Variants in CNTN1 observed in about 807,000 individuals in gnomAD.
CNTN1 encodes the protein contactin-1.
Under a neutral mutation model 126.4 loss-of-function variants are expected in CNTN1, and 38 were observed. That is an observed-to-expected ratio of 0.30 (90% confidence interval 0.23 to 0.39). CNTN1 has a LOEUF of 0.39. CNTN1 is among the 10% of genes least tolerant of loss of function. The pLI, the probability that CNTN1 is intolerant of heterozygous loss-of-function variation, is 1.00. For synonymous variants in CNTN1, 413 were observed against 422.6 expected (o/e 0.98, Z 0.28); for missense variants, 1,009 against 1,248.4 (o/e 0.81, Z 2.89).
At chr12:40,977,498 G>A (rs1947708636) in intron 15 of CNTN1, among the ~76,000 whole-genome samples, 1 of 152,100 alleles carries the variant, frequency 6.6e-6, no homozygotes, top group South Asian at 2.1e-4. Flanking sequence ...CAGATGGCTG[G>A]GGGGCTTAGA....
intron 1 of CNTN1, among the ~76,000 whole-genome samples, chr12:40,719,265 T>C (rs1255739501): frequency 6.6e-6 from 1 of 152,236 alleles, no homozygotes; most frequent in Non-Finnish European, 1.5e-5. Context: ...CAGTAATATA[T>C]GAACACAATG....
intron 23 of CNTN1, among the ~76,000 whole-genome samples, chr12:41,042,166 G>A (rs370465133): frequency 0.06 from 9,153 of 151,934 alleles, 319 homozygotes; most frequent in Middle Eastern, 0.13. Flanking sequence ...CCTTCATTTC[G>A]TTATGTACCC....
chr12:40,904,061 T>C lies in CNTN1; in HGVS notation c.-76-4296T>C, dbSNP rs138492704. On this transcript the variant is annotated intron_variant, in intron 1 of 23. Transcript: ENST00000551295. ...TGAGATGGAGTCTCGCTCTGTCGCC[T>C]AGGCTGGAGTGCAGTGGCGCGATCT... 2.1e-3 allele frequency among the ~76,000 whole-genome samples: 316 copies of C among 152,194 alleles called. 1 individual carries two copies. The highest frequency in any genetic ancestry group is 7.4e-3 in the East Asian group (38 of 5,136).
intron 1 of CNTN1, among the ~76,000 whole-genome samples, chr12:40,772,070 C>T (rs1939359903): frequency 1.3e-5 from 2 of 151,978 alleles, no homozygotes; most frequent in South Asian, 4.1e-4. Flanking sequence ...TATCCAGATA[C>T]TGGAATACTA....
rs1002815535 is a variant in CNTN1, at chr12:40,878,367, A to T, written c.-76-29990A>T. On this transcript the variant is annotated intron_variant, in intron 1 of 23. Transcript: ENST00000551295. Reference sequence around the variant, plus strand: ...ACAGTAAGTTATAAATAGCTCATAAAATTACTAAACATATACAAAAACAAA... The same window carrying T: ...ACAGTAAGTTATAAATAGCTCATAATATTACTAAACATATACAAAAACAAA... Among the ~76,000 whole-genome samples, 8 of 151,106 alleles carry T rather than the reference A, an allele frequency of 5.3e-5. No homozygotes were observed. In the Admixed American group the frequency reaches 5.3e-4, roughly 10 times the overall value.
chr12:40,864,092 C>A (rs1394725557), intron 1 of CNTN1, among the ~76,000 whole-genome samples: 1 of 142,714 alleles, frequency 7.0e-6, no homozygotes, highest in East Asian at 2.1e-4. Flanking sequence ...GCGATCTTGG[C>A]TCACTGCAAC....
intron 3 of CNTN1, among the ~76,000 whole-genome samples, chr12:40,911,640 C>A (rs1446123273): frequency 3.3e-5 from 5 of 152,330 alleles, no homozygotes; most frequent in African/African-American, 9.6e-5. Flanking sequence ...GGTCAACTCT[C>A]AGGCTTCCTA....
chr12:40,971,354 C>G, intron 15 of CNTN1: 1 of 1,231,514 alleles, frequency 8.1e-7, no homozygotes, highest in Non-Finnish European at 1.1e-6. Context: ...GGAAATAGGG[C>G]AAATCCCCCA....
intron 1 of CNTN1, among the ~76,000 whole-genome samples, chr12:40,820,174 G>A (rs1352850360): frequency 6.6e-6 from 1 of 152,172 alleles, no homozygotes; most frequent in Non-Finnish European, 1.5e-5. Flanking sequence ...GGTAAGAGAG[G>A]AAGAAAGAGA....
chr12:40,982,431 G>A (rs1379967885), intron 16 of CNTN1, among the ~76,000 whole-genome samples: 1 of 151,968 alleles, frequency 6.6e-6, no homozygotes, highest in Non-Finnish European at 1.5e-5. Flanking sequence ...ATTTGGTTTG[G>A]CCCTGAAAAA....
chr12:40,700,646 T>C (rs1373014728), intron 1 of CNTN1, among the ~76,000 whole-genome samples: 1 of 152,174 alleles, frequency 6.6e-6, no homozygotes, highest in African/African-American at 2.4e-5. Flanking sequence ...ACCAGATAGG[T>C]CAAATGCATT....
chr12:40,898,488 A>G (rs566586196), intron 1 of CNTN1, among the ~76,000 whole-genome samples: 42 of 152,164 alleles, frequency 2.8e-4, no homozygotes, highest in Non-Finnish European at 5.1e-4. Flanking sequence ...ATTAACTTAT[A>G]TATGTTTCAA....
intron 16 of CNTN1, among the ~76,000 whole-genome samples, chr12:40,981,657 G>C (rs1027218161): frequency 6.6e-6 from 1 of 151,974 alleles, no homozygotes; most frequent in Non-Finnish European, 1.5e-5. Context: ...AAGAATAAGT[G>C]GGTACTTTCC....
intron 1 of CNTN1, among the ~76,000 whole-genome samples, chr12:40,804,139 CTT>C (rs1170036726): frequency 6.6e-6 from 1 of 151,876 alleles, no homozygotes; most frequent in Non-Finnish European, 1.5e-5. Flanking sequence ...CACTTCTAGA[CTT>C]TTTTCTGGAA....
chr12:41,027,993 A>G, intron 22 of CNTN1, 24 bp downstream of exon 22: 1 of 1,458,204 alleles, frequency 6.9e-7, no homozygotes, highest in Non-Finnish European at 9.6e-7. Context: ...GTGATGATTA[A>G]TGTTTGCAAT....
At chr12:40,904,194 A>G (rs1944720757) in intron 1 of CNTN1, among the ~76,000 whole-genome samples, 2 of 151,460 alleles carry the variant, frequency 1.3e-5, no homozygotes, top group Admixed American at 1.3e-4. Context: ...AATTTTTTGT[A>G]TTTTTAGTAG....
At chr12:41,055,588 C>A (rs1335011991) in intron 23 of CNTN1, among the ~76,000 whole-genome samples, 2 of 152,164 alleles carry the variant, frequency 1.3e-5, no homozygotes, top group African/African-American at 2.4e-5. Context: ...CATTTCTGCA[C>A]CCAGTACTGA....
chr12:40,975,997 T>TA (rs1947660757), intron 15 of CNTN1, among the ~76,000 whole-genome samples: 1 of 152,100 alleles, frequency 6.6e-6, no homozygotes, highest in Admixed American at 6.6e-5. Flanking sequence ...AGAGCATGGG[T>TA]AGGGGGAGGT....
intron 6 of CNTN1, among the ~76,000 whole-genome samples, chr12:40,925,494 T>C (rs1406999811): frequency 6.7e-6 from 1 of 150,084 alleles, no homozygotes; most frequent in East Asian, 2.0e-4. Context: ...ACACATATAT[T>C]TCACACAAAA....
Sources: allele counts gnomAD v4.1 joint callset (sites outside exome capture counted in the v4.1 genomes callset), GRCh38; gene constraint gnomAD v4.1.1; transcripts MANE v1.5; gene names NCBI Gene and HGNC (gene_info 2026-07-23, HGNC 2026-07-21).